KANTR: variants seen among roughly 807,000 people sequenced by gnomAD.
KANTR encodes KANTR integral membrane protein, also known as KDM5C adjacent transcript.
chrX:53,110,307 G>A (rs1232149778), intron 2 of KANTR, among the ~76,000 whole-genome samples: 3 of 111,155 alleles, frequency 2.7e-5, no homozygotes, highest in East Asian at 2.8e-4. Context: ...TATTTATTAC[G>A]TTGAGGTACA....
chrX:53,141,420 A>G (rs12391063), intron 2 of KANTR, among the ~76,000 whole-genome samples: 3,256 of 111,732 alleles, frequency 0.029, 54 homozygotes, highest in Admixed American at 0.064. Flanking sequence ...TAAATACTTT[A>G]TTAGATTCAA....
chrX:53,145,719 C>A (rs1330396008), downstream of KANTR, among the ~76,000 whole-genome samples: 1 of 112,229 alleles, frequency 8.9e-6, no homozygotes, highest in African/African-American at 3.2e-5. Flanking sequence ...GGTCCCTGAC[C>A]CCCGAGTAGC....
intron 1 of KANTR, among the ~76,000 whole-genome samples, chrX:53,097,800 C>A (rs1932857140): frequency 9.3e-6 from 1 of 107,486 alleles, no homozygotes; most frequent in Admixed American, 9.9e-5. Context: ...CCTGTAATCC[C>A]AGCACTTTGG....
intron 2 of KANTR, among the ~76,000 whole-genome samples, chrX:53,115,449 C>A (rs1933109193): frequency 1.8e-5 from 2 of 112,575 alleles, no homozygotes; most frequent in African/African-American, 6.4e-5. Context: ...CTGGCCTGGC[C>A]CTGGAACAAG....
rs200871442 is a variant in KANTR, at chrX:53,139,220, C to CA, written n.204-2606dup. 2.5e-3 allele frequency among the ~76,000 whole-genome samples: 199 copies of CA among 79,658 alleles called. 3 individuals are homozygous for CA. Among genetic ancestry groups the CA allele is most frequent in the African/African-American group, 7.6e-3 (134 of 17,702 alleles). 69.2% of individuals were successfully genotyped at this position (79,658 alleles called of 115,157 possible). A position where few individuals can be genotyped will look rare whatever the true frequency, so the allele number is the denominator to read the frequency against. On this transcript the variant is annotated intron_variant and non_coding_transcript_variant, in intron 2 of 2. Coordinates refer to the KANTR transcript ENST00000366185. ...TGGGTGACAGAGCGAGACTCCGTCT[C>CA]AAAAAAAAAAAAAAAAAAAAAAGGA...
At chrX:53,129,079 T>A (rs1447303905), downstream of KANTR, among the ~76,000 whole-genome samples, 2 of 97,526 alleles carry the variant, frequency 2.1e-5, no homozygotes, top group African/African-American at 7.5e-5. Flanking sequence ...TTTTTTTTTT[T>A]TTTTTTGAGA....
chrX:53,141,116 G>A (rs371910796), intron 2 of KANTR, among the ~76,000 whole-genome samples: 6 of 113,084 alleles, frequency 5.3e-5, no homozygotes, highest in African/African-American at 1.6e-4. Context: ...AGCCGAGATC[G>A]TGCCATTGCA....
downstream of KANTR, among the ~76,000 whole-genome samples, chrX:53,145,445 G>A (rs1043436785): frequency 1.9e-4 from 21 of 112,012 alleles, no homozygotes; most frequent in Admixed American, 4.7e-4. Flanking sequence ...AGGTGGCAGC[G>A]AGGCTGGGGG....
At chrX:53,129,235 TTGTGTG>T (rs57493383), downstream of KANTR, among the ~76,000 whole-genome samples, 4 of 83,373 alleles carry the variant, frequency 4.8e-5, no homozygotes, top group African/African-American at 8.6e-5. Context: ...GCCTGGCTAT[TTGTGTG>T]TGTGTGTGTG....
chrX:53,139,251 A>G (rs1364885722), intron 2 of KANTR, among the ~76,000 whole-genome samples: 4 of 108,309 alleles, frequency 3.7e-5, no homozygotes, highest in African/African-American at 1.4e-4. Flanking sequence ...AAGGAATTCT[A>G]GGTAGATTGA....
At chrX:53,138,335 G>A (rs944691720) in intron 2 of KANTR, among the ~76,000 whole-genome samples, 1 of 107,530 alleles carries the variant, frequency 9.3e-6, no homozygotes, top group Non-Finnish European at 1.9e-5. Flanking sequence ...CCCAACAGGC[G>A]CGAGTCACCA....
chrX:53,144,473 A>C (rs1033549405), downstream of KANTR, among the ~76,000 whole-genome samples: 8 of 111,362 alleles, frequency 7.2e-5, no homozygotes, highest in Admixed American at 4.8e-4. Context: ...AGGCAAGTGG[A>C]TCACCAGAGG....
intron 2 of KANTR, among the ~76,000 whole-genome samples, chrX:53,101,855 TG>T (rs1399742664): frequency 2.7e-5 from 3 of 111,025 alleles, no homozygotes; most frequent in African/African-American, 9.8e-5. Flanking sequence ...AAAATTAAGC[TG>T]GGTGCTGTGG....
intron 2 of KANTR, among the ~76,000 whole-genome samples, chrX:53,101,358 C>G (rs1556811820): frequency 1.8e-5 from 2 of 111,999 alleles, no homozygotes; most frequent in Non-Finnish European, 3.8e-5. Flanking sequence ...GTAATCCCAG[C>G]ACTTTGGGAG....
chrX:53,117,915 C>T (rs782344739), intron 2 of KANTR, among the ~76,000 whole-genome samples: 3 of 111,226 alleles, frequency 2.7e-5, no homozygotes, highest in South Asian at 3.8e-4. Context: ...CCACCATGCC[C>T]GGCCCTGTGT....
At chrX:53,124,362 A>G in exon 3 of KANTR, 1 of 296,330 alleles carries the variant, frequency 3.4e-6, no homozygotes, top group East Asian at 4.8e-5. Context: ...CTATTTTATT[A>G]GTCTTTTCAA....
intron 2 of KANTR, among the ~76,000 whole-genome samples, chrX:53,110,685 G>T (rs1376640410): frequency 8.9e-6 from 1 of 111,973 alleles, no homozygotes; most frequent in African/African-American, 3.2e-5. Flanking sequence ...AGCACTTTGG[G>T]AGGCCAAGGC....
At chrX:53,103,346 T>C (rs782144551) in intron 2 of KANTR, among the ~76,000 whole-genome samples, 1 of 111,267 alleles carries the variant, frequency 9.0e-6, no homozygotes, top group Admixed American at 9.6e-5. Context: ...TCCTGTTCTC[T>C]AGCCAGTACC....
chrX:53,097,350 G>GTTTTTTTT (rs781783647), intron 1 of KANTR, among the ~76,000 whole-genome samples: 1,049 of 67,888 alleles, frequency 0.015, 26 homozygotes, highest in Non-Finnish European at 0.021. Context: ...TTTGTTTTAA[G>GTTTTTTTT]TTTTTTTTTT....
Sources: gnomAD v4.1 joint callset for allele counts (sites outside exome capture counted in the v4.1 genomes callset) on GRCh38, gnomAD v4.1.1 for gene constraint, MANE v1.5 for transcripts, NCBI Gene and HGNC (gene_info 2026-07-23, HGNC 2026-07-21) for gene names.